The following FHIT variants were observed in gnomAD, a reference collection of about 807,000 sequenced individuals.
The protein encoded by FHIT is fragile histidine triad diadenosine triphosphatase.
In FHIT, 19 loss-of-function variants were observed where a neutral mutation model predicts 17.9. The observed-to-expected ratio is 1.06, with a 90% CI of 0.74 to 1.56. FHIT has a LOEUF of 1.56. Ranked by LOEUF, FHIT falls within the 40% of genes most tolerant of loss-of-function variation. The pLI, the probability that FHIT is intolerant of heterozygous loss-of-function variation, is 0.00. For missense variants in FHIT, 248 were observed against 189.2 expected, an observed-to-expected ratio of 1.31 and a Z score of -1.82; for synonymous variants, 81 against 69.7, an observed-to-expected ratio of 1.16 and a Z score of -0.81.
intron 5 of FHIT, among the ~76,000 whole-genome samples, chr3:60,300,347 G>A (rs1708405176): frequency 6.6e-6 from 1 of 151,964 alleles, no homozygotes; most frequent in African/African-American, 2.4e-5. Flanking sequence ...TGTAACTGAG[G>A]GATAGTAAGA....
Position 60,326,558 on chromosome 3 carries a change from T to C in FHIT, c.103+210302A>G, listed in dbSNP as rs536156246. Reference sequence around the variant, plus strand: ...TGCCCACTGCTCACTTGTTGCTGTGTGGCCAGGTTCCTAACAGGCCATGGA... The same window carrying C: ...TGCCCACTGCTCACTTGTTGCTGTGCGGCCAGGTTCCTAACAGGCCATGGA... On this transcript the variant is annotated intron_variant, in intron 5 of 9. Coordinates refer to ENST00000492590, the MANE Select transcript of FHIT (RefSeq NM_002012.4). 2.0e-3 allele frequency among the ~76,000 whole-genome samples: 299 copies of C among 152,318 alleles called. 1 individual carries two copies. The highest frequency in any genetic ancestry group is 3.2e-3 in the Non-Finnish European group (217 of 68,018).
chr3:60,123,508 GA>G (rs770853479), intron 5 of FHIT, among the ~76,000 whole-genome samples: 1 of 151,946 alleles, frequency 6.6e-6, no homozygotes, highest in Admixed American at 6.5e-5. Flanking sequence ...TCCTTAAGGA[GA>G]AAAAAAGCAA....
chr3:60,677,671 T>C (rs770987864), intron 4 of FHIT, among the ~76,000 whole-genome samples: 46 of 152,192 alleles, frequency 3.0e-4, no homozygotes, highest in Non-Finnish European at 6.2e-4. Context: ...TATACACTTA[T>C]ATACACACAC....
intron 5 of FHIT, among the ~76,000 whole-genome samples, chr3:60,354,456 G>A (rs372813589): frequency 2.0e-5 from 3 of 152,170 alleles, no homozygotes; most frequent in East Asian, 1.9e-4. Flanking sequence ...GATATAAGAT[G>A]ATTCTCGAAA....
At chr3:60,546,756 T>G (rs939259641) in intron 4 of FHIT, among the ~76,000 whole-genome samples, 1 of 152,172 alleles carries the variant, frequency 6.6e-6, no homozygotes, top group Non-Finnish European at 1.5e-5. Flanking sequence ...TCTTCCAGAA[T>G]TCACTGAACC....
intron 5 of FHIT, among the ~76,000 whole-genome samples, chr3:60,037,040 G>A (rs1701246109): frequency 6.6e-6 from 1 of 152,140 alleles, no homozygotes. Context: ...GCTAAATCTT[G>A]GACAGTTCTG....
At chr3:60,820,237 G>T (rs1701879976) in intron 4 of FHIT, among the ~76,000 whole-genome samples, 2 of 152,098 alleles carry the variant, frequency 1.3e-5, no homozygotes, top group South Asian at 4.1e-4. Flanking sequence ...AAACCCAGGA[G>T]GTAGAGGTTG....
intron 4 of FHIT, among the ~76,000 whole-genome samples, chr3:60,656,183 C>T (rs1225627618): frequency 1.3e-5 from 2 of 152,146 alleles, no homozygotes; most frequent in African/African-American, 4.8e-5. Context: ...AAAGCAGGAC[C>T]TCTGAACTCC....
chr3:59,860,734 C>A (rs553408110), intron 8 of FHIT, among the ~76,000 whole-genome samples: 1 of 151,938 alleles, frequency 6.6e-6, no homozygotes, highest in African/African-American at 2.4e-5. Flanking sequence ...CAGGGTAGAA[C>A]AGAATAAAAA....
intron 5 of FHIT, among the ~76,000 whole-genome samples, chr3:60,166,304 G>T (rs371616339): frequency 6.6e-6 from 1 of 152,182 alleles, no homozygotes; most frequent in South Asian, 2.1e-4. Flanking sequence ...GCATCCAAAG[G>T]GTTCAGAATT....
chr3:61,113,034 T>C (rs115989539), intron 2 of FHIT, among the ~76,000 whole-genome samples: 63 of 152,128 alleles, frequency 4.1e-4, no homozygotes, highest in African/African-American at 1.5e-3. Flanking sequence ...GACAGAGTCT[T>C]TCTCTCTTAT....
intron 8 of FHIT, among the ~76,000 whole-genome samples, chr3:59,774,994 A>C (rs1438494525): frequency 6.6e-6 from 1 of 152,198 alleles, no homozygotes; most frequent in Non-Finnish European, 1.5e-5. Flanking sequence ...GACTGAACTA[A>C]AAACTCTATT....
chr3:60,749,542 C>G (rs1376095673), intron 4 of FHIT, among the ~76,000 whole-genome samples: 2 of 152,272 alleles, frequency 1.3e-5, no homozygotes, highest in Non-Finnish European at 2.9e-5. Context: ...AGAGAAGGAA[C>G]TAATGGTGAC....
In FHIT at chr3:59,984,277, G is replaced by T. The variant is rs187852134; in HGVS notation, c.279+27094C>A. 5.3e-5 allele frequency among the ~76,000 whole-genome samples: 8 copies of T among 152,184 alleles called. No homozygotes were observed. The East Asian group carries it at 1.6e-3, about 30-fold the overall frequency. ...AGTACAAATGGATTATTTGAGAGAT[G>T]GGCCCAGGAAGCACCATTAGGGGAG... On this transcript the variant is annotated intron_variant, in intron 7 of 9. Coordinates refer to ENST00000492590, the MANE Select transcript of FHIT (RefSeq NM_002012.4).
At chr3:59,927,533 C>T (rs868404425) in intron 7 of FHIT, among the ~76,000 whole-genome samples, 4 of 150,692 alleles carry the variant, frequency 2.7e-5, no homozygotes, top group Admixed American at 2.6e-4. Context: ...TTTGGGAGGC[C>T]GAGGCGGGCG....
intron 7 of FHIT, among the ~76,000 whole-genome samples, chr3:59,956,120 T>C (rs1707381378): frequency 1.3e-5 from 2 of 152,212 alleles, no homozygotes; most frequent in African/African-American, 2.4e-5. Flanking sequence ...GGAACAATCA[T>C]GCTTTTTGTA....
chr3:60,135,745 T>C (rs957705183), intron 5 of FHIT, among the ~76,000 whole-genome samples: 3 of 152,140 alleles, frequency 2.0e-5, no homozygotes, highest in Admixed American at 2.0e-4. Flanking sequence ...CAATACCATG[T>C]CTGAAGCAAC....
chr3:60,732,744 C>CGAGACCCT, intron 4 of FHIT: 14 of 280,278 alleles, frequency 5.0e-5, no homozygotes, highest in Non-Finnish European at 7.4e-5. Context: ...TGGAGTGCAG[C>CGAGACCCT]GGCACAATCT....
intron 3 of FHIT, among the ~76,000 whole-genome samples, chr3:60,831,115 A>AAT (rs1168091125): frequency 6.6e-6 from 1 of 152,180 alleles, no homozygotes; most frequent in Non-Finnish European, 1.5e-5. Context: ...CAGAAAAGAA[A>AAT]ATATTATTAA....
Sources: gnomAD v4.1 joint callset for allele counts (sites outside exome capture counted in the v4.1 genomes callset) on GRCh38, gnomAD v4.1.1 for gene constraint, MANE v1.5 for transcripts, NCBI Gene and HGNC (gene_info 2026-07-23, HGNC 2026-07-21) for gene names.